Variants in LAMB4 observed in about 807,000 individuals in gnomAD.
LAMB4 encodes laminin subunit beta-4.
In LAMB4, 196 loss-of-function variants were observed where a neutral mutation model predicts 199.2. The observed-to-expected ratio is 0.98, with a 90% CI of 0.88 to 1.11. The LOEUF is 1.11. Among genes scored for constraint, LAMB4 ranks in the 50% least tolerant of loss-of-function variants. The pLI is 0.00. For missense variants in LAMB4, 2,080 were observed against 2,171.2 expected (o/e 0.96, Z 0.83); for synonymous variants, 744 against 770.6 (o/e 0.97, Z 0.57).
intron 2 of LAMB4, among the ~76,000 whole-genome samples, chr7:108,121,125 T>C (rs1222553977): frequency 6.6e-6 from 1 of 152,242 alleles, no homozygotes; most frequent in Admixed American, 6.5e-5. Context: ...AACATGTTTA[T>C]GTCTTTTGAC....
intron 6 of LAMB4, 87 bp from the exon 7 acceptor site, chr7:108,106,659 G>T: frequency 2.6e-6 from 2 of 758,436 alleles, no homozygotes; most frequent in Non-Finnish European, 4.3e-6. Context: ...AAACCTCCCA[G>T]GCCCAAGAAA....
intron 14 of LAMB4, among the ~76,000 whole-genome samples, chr7:108,087,275 G>A (rs759808071): frequency 2.2e-4 from 33 of 152,230 alleles, no homozygotes; most frequent in Middle Eastern, 3.4e-3. Flanking sequence ...AATGAGGGCA[G>A]GCTCCATGTT....
intron 19 of LAMB4, among the ~76,000 whole-genome samples, chr7:108,067,205 T>TAA (rs1003172190): frequency 6.6e-6 from 1 of 151,776 alleles, no homozygotes; most frequent in Non-Finnish European, 1.5e-5. Flanking sequence ...TAACTTTTCT[T>TAA]AAAAAAAAGA....
chr7:108,030,108 C>T (rs1364520856), intron 32 of LAMB4, among the ~76,000 whole-genome samples: 2 of 149,106 alleles, frequency 1.3e-5, no homozygotes, highest in Non-Finnish European at 3.0e-5. Context: ...CAGAGAGAGA[C>T]TCTGTCTCAC....
chr7:108,129,544 T>C (rs1227271425), intron 1 of LAMB4, among the ~76,000 whole-genome samples: 1 of 152,042 alleles, frequency 6.6e-6, no homozygotes, highest in Non-Finnish European at 1.5e-5. Flanking sequence ...GTTTACTTTT[T>C]TTTTTTTTTT....
chr7:108,083,414 C>T lies in LAMB4; in HGVS notation c.1702-3628G>A, dbSNP rs531716208. Among the ~76,000 whole-genome samples, 28 of 152,330 alleles carry T rather than the reference C, an allele frequency of 1.8e-4. No homozygotes were observed. In the South Asian group the frequency reaches 2.3e-3, roughly 12 times the overall value. ...CTTCCTACAGTGAGAACCAGCCATTCTATGGCCTTGGCAGCACTCTTTTCT... is the reference window on the plus strand; with the variant it reads ...CTTCCTACAGTGAGAACCAGCCATTTTATGGCCTTGGCAGCACTCTTTTCT... On this transcript the variant is annotated intron_variant, in intron 14 of 33. Coordinates refer to ENST00000388781, the MANE Select transcript of LAMB4 (RefSeq NM_007356.3).
At chr7:108,097,496 TAA>T (rs2037651879) in intron 11 of LAMB4, among the ~76,000 whole-genome samples, 1 of 151,980 alleles carries the variant, frequency 6.6e-6, no homozygotes, top group Non-Finnish European at 1.5e-5. Context: ...ATTTAAAAAA[TAA>T]AAAGAGGCCG....
chr7:108,036,652 T>C (rs546540403), intron 30 of LAMB4, among the ~76,000 whole-genome samples: 12 of 152,208 alleles, frequency 7.9e-5, no homozygotes, highest in African/African-American at 2.9e-4. Context: ...GTGTTGATGA[T>C]ACTACCACCT....
intron 28 of LAMB4, among the ~76,000 whole-genome samples, chr7:108,045,754 A>G (rs2035597409): frequency 6.6e-6 from 1 of 152,238 alleles, no homozygotes; most frequent in Admixed American, 6.5e-5. Flanking sequence ...CAACTTGTAG[A>G]TGGATGCCTG....
chr7:108,116,318 T>C (rs999295700), intron 2 of LAMB4, among the ~76,000 whole-genome samples, 157 bp from the exon 3 acceptor site: 1 of 152,214 alleles, frequency 6.6e-6, no homozygotes, highest in Non-Finnish European at 1.5e-5. Flanking sequence ...AAATGGTCCC[T>C]ACTTTGCTTG....
rs773212494 is a variant in LAMB4, at chr7:108,103,111, G to T, written c.1113C>A (p.Cys371Ter). Reference sequence around the variant, plus strand: ...TGTAGAAGAGGGGTCTGCAGCGGTCGCAGTGCTGCCCCTCAGTGTTGTGCT... The same window carrying T: ...TGTAGAAGAGGGGTCTGCAGCGGTCTCAGTGCTGCCCCTCAGTGTTGTGCT... ...DCQHNTEGQH[C>*]DRCRPLFYRD... The change falls in exon 10 of 34, where the codon TGC (cysteine) becomes TGA (stop). Residue 371 changes from cysteine (C) to a stop codon, truncating the protein, a stop_gained. Transcript: ENST00000388781. LOFTEE classifies it high-confidence loss of function. 1.9e-6 allele frequency: 3 copies of T among 1,613,522 alleles called. No homozygotes were observed. Among genetic ancestry groups the T allele is most frequent in the Middle Eastern group, 1.7e-4 (1 of 6,058 alleles).
At chr7:108,027,669 T>C (rs1482113105) in intron 33 of LAMB4, among the ~76,000 whole-genome samples, 1 of 152,208 alleles carries the variant, frequency 6.6e-6, no homozygotes, top group Non-Finnish European at 1.5e-5. Context: ...AAAATTACCA[T>C]CTGATATTTC....
At chr7:108,037,693 C>A (rs2035279517) in intron 29 of LAMB4, 98 bp from the exon 30 acceptor site, 1 of 857,596 alleles carries the variant, frequency 1.2e-6, no homozygotes. Context: ...AATGCACTTG[C>A]ACTTGATTAT....
At chr7:108,092,526 C>G in intron 12 of LAMB4, 110 bp from the exon 13 acceptor site, 1 of 792,080 alleles carries the variant, frequency 1.3e-6, no homozygotes, top group Non-Finnish European at 2.2e-6. Flanking sequence ...AGCCAAACAG[C>G]CTGCACCATC....
Position 108,091,660 on chromosome 7 carries a change from T to A in LAMB4, c.1667A>T (p.Glu556Val). 6.2e-7 allele frequency: 1 copy of A among 1,614,154 alleles called. No individual in the cohort carries two copies. The highest frequency in any genetic ancestry group is 8.5e-7 in the Non-Finnish European group (1 of 1,180,014). The change falls in exon 14 of 34, where the codon GAG becomes GTG. Residue 556 changes from glutamate to valine, a missense_variant. By Grantham distance (121) the Glu-to-Val change is moderately radical. Coordinates refer to ENST00000388781, the MANE Select transcript of LAMB4 (RefSeq NM_007356.3). Reference protein sequence around the residue: ...APLNFYLYEAEEATTLQGLAP... With the variant: ...APLNFYLYEAVEATTLQGLAP... Reference sequence around the variant, plus strand: ...CAGTCCTTGGAGTGTTGTGGCTTCCTCTGCCTCGTAGAGATAGAAATTCAA... The same window carrying A: ...CAGTCCTTGGAGTGTTGTGGCTTCCACTGCCTCGTAGAGATAGAAATTCAA...
intron 25 of LAMB4, among the ~76,000 whole-genome samples, chr7:108,052,973 A>G (rs759051116): frequency 2.6e-5 from 4 of 152,216 alleles, no homozygotes; most frequent in Non-Finnish European, 4.4e-5. Context: ...GGACTAATTT[A>G]TCTTGGCACA....
the LAMB4 span, among the ~76,000 whole-genome samples, chr7:108,014,769 C>T: frequency 6.6e-6 from 1 of 150,660 alleles, no homozygotes; most frequent in African/African-American, 2.4e-5. Context: ...GTCACTAAGG[C>T]TGGAGTGCAG....
intron 30 of LAMB4, among the ~76,000 whole-genome samples, chr7:108,036,345 C>T (rs568151171): frequency 2.6e-4 from 40 of 152,154 alleles, no homozygotes; most frequent in South Asian, 1.0e-3. Context: ...TGCACCACTA[C>T]ACCCGGCAAA....
intron 10 of LAMB4, among the ~76,000 whole-genome samples, chr7:108,101,158 C>A (rs1216881731): frequency 6.6e-6 from 1 of 152,178 alleles, no homozygotes; most frequent in African/African-American, 2.4e-5. Context: ...GAAGCGGGAT[C>A]CCTGAGTCCT....
Sources: gnomAD v4.1 joint callset for allele counts (sites outside exome capture counted in the v4.1 genomes callset) on GRCh38, gnomAD v4.1.1 for gene constraint, MANE v1.5 for transcripts, NCBI Gene and HGNC (gene_info 2026-07-23, HGNC 2026-07-21) for gene names.